The following TBXAS1 variants were observed in gnomAD, a reference collection of about 807,000 sequenced individuals.
The protein encoded by TBXAS1 is thromboxane-A synthase.
In TBXAS1, 48 loss-of-function variants were observed where a neutral mutation model predicts 60.7. The observed-to-expected ratio is 0.79, with a 90% CI of 0.63 to 1.01. TBXAS1 has a LOEUF of 1.01. Ranked by LOEUF, TBXAS1 falls within the 50% of genes least tolerant of loss-of-function variation. The pLI is 0.00. For missense variants in TBXAS1, 685 were observed against 686.3 expected, an observed-to-expected ratio of 1.00 and a Z score of 0.02; for synonymous variants, 287 against 269.7, an observed-to-expected ratio of 1.06 and a Z score of -0.63.
chr7:139,779,531 A>C (rs1434521498), intron 1 of TBXAS1, among the ~76,000 whole-genome samples: 1 of 152,206 alleles, frequency 6.6e-6, no homozygotes, highest in Non-Finnish European at 1.5e-5. Flanking sequence ...TCTGTTGCCC[A>C]ATGTCACACA....
intron 4 of TBXAS1, among the ~76,000 whole-genome samples, chr7:139,799,644 AC>A (rs1457078046): frequency 6.6e-6 from 1 of 152,210 alleles, no homozygotes; most frequent in East Asian, 1.9e-4. Context: ...GGCATGAGCC[AC>A]CACGCCCAGC....
intron 1 of TBXAS1, among the ~76,000 whole-genome samples, chr7:139,838,932 A>T (rs1799246451): frequency 6.6e-6 from 1 of 152,140 alleles, no homozygotes; most frequent in African/African-American, 2.4e-5. Context: ...TTAAAAACTA[A>T]TTTTTTCCCA....
chr7:139,810,541 G>C (rs1457665468), intron 4 of TBXAS1, among the ~76,000 whole-genome samples: 4 of 152,188 alleles, frequency 2.6e-5, no homozygotes, highest in Non-Finnish European at 5.9e-5. Flanking sequence ...TAAACAGGAT[G>C]CTTGTCATTT....
chr7:139,815,553 G>T (rs1172594665), intron 4 of TBXAS1, among the ~76,000 whole-genome samples: 1 of 152,226 alleles, frequency 6.6e-6, no homozygotes, highest in African/African-American at 2.4e-5. Context: ...ATGTAATTAT[G>T]TGAGGTTTCA....
chr7:139,990,325 T>C (rs923011928), intron 9 of TBXAS1, among the ~76,000 whole-genome samples: 1 of 152,212 alleles, frequency 6.6e-6, no homozygotes, highest in Admixed American at 6.5e-5. Context: ...GCAGCATTCC[T>C]CCTTCCTAAG....
At chr7:139,809,651 T>C (rs1797979354) in intron 4 of TBXAS1, among the ~76,000 whole-genome samples, 1 of 152,168 alleles carries the variant, frequency 6.6e-6, no homozygotes, top group Admixed American at 6.5e-5. Context: ...GGTCTGCTGG[T>C]ACAAGTTCCA....
At chr7:139,979,926 T>A (rs1276780291) in intron 9 of TBXAS1, among the ~76,000 whole-genome samples, 14 of 151,946 alleles carry the variant, frequency 9.2e-5, no homozygotes, top group Admixed American at 2.6e-4. Context: ...AACATTGGGT[T>A]TTGCTTTTTT....
At chr7:139,923,630 A>G (rs1472612067) in intron 4 of TBXAS1, among the ~76,000 whole-genome samples, 1 of 151,918 alleles carries the variant, frequency 6.6e-6, no homozygotes, top group African/African-American at 2.4e-5. Flanking sequence ...AAACAATCCA[A>G]TTATAATCAT....
At chr7:139,962,298 G>A (rs1291015253) in intron 9 of TBXAS1, 65 bp downstream of exon 9, 14 of 1,582,218 alleles carry the variant, frequency 8.8e-6, no homozygotes, top group Non-Finnish European at 1.2e-5. Context: ...TGTGTTTGTG[G>A]GAGTGAAACT....
chr7:139,817,006 A>G (rs1798165210), intron 4 of TBXAS1, among the ~76,000 whole-genome samples: 1 of 152,198 alleles, frequency 6.6e-6, no homozygotes, highest in Admixed American at 6.5e-5. Flanking sequence ...GTCAGGGTTT[A>G]GTTCAATGAT....
chr7:139,923,187 C>T (rs920507571), intron 4 of TBXAS1, among the ~76,000 whole-genome samples: 11 of 149,858 alleles, frequency 7.3e-5, no homozygotes, highest in Admixed American at 5.9e-4. Flanking sequence ...ATTAGCCAGG[C>T]ATGGTGGCGC....
intron 9 of TBXAS1, among the ~76,000 whole-genome samples, chr7:139,978,051 A>G (rs1285769585): frequency 6.6e-6 from 1 of 152,112 alleles, no homozygotes; most frequent in Admixed American, 6.5e-5. Context: ...TCCACCTCCC[A>G]GTGCTCAGTC....
chr7:139,905,001 T>TTCTC (rs201883190), intron 3 of TBXAS1, among the ~76,000 whole-genome samples: 5 of 97,954 alleles, frequency 5.1e-5, no homozygotes, highest in Non-Finnish European at 1.0e-4. Context: ...CTTTCTCTCT[T>TTCTC]TCTCTCTTTC....
chr7:139,867,033 C>T (rs1214599748), intron 1 of TBXAS1, among the ~76,000 whole-genome samples: 6 of 152,152 alleles, frequency 3.9e-5, no homozygotes, highest in African/African-American at 1.4e-4. Flanking sequence ...ATAAAGCTTC[C>T]GATGTGGCCA....
intron 11 of TBXAS1, among the ~76,000 whole-genome samples, chr7:140,017,048 T>G (rs1277395826): frequency 2.6e-5 from 4 of 152,180 alleles, no homozygotes; most frequent in African/African-American, 9.7e-5. Context: ...AATGCACTAC[T>G]TGGTAGGAGA....
At chr7:140,014,600 A>G (rs1366318334) in intron 10 of TBXAS1, among the ~76,000 whole-genome samples, 2 of 152,172 alleles carry the variant, frequency 1.3e-5, no homozygotes. Context: ...AGACACACAC[A>G]CAGAGAATGG....
chr7:139,833,100 G>A (rs1007671573), intron 1 of TBXAS1, among the ~76,000 whole-genome samples: 1 of 151,848 alleles, frequency 6.6e-6, no homozygotes, highest in Non-Finnish European at 1.5e-5. Flanking sequence ...CCAAAGTACA[G>A]AGGCAACAAA....
intron 4 of TBXAS1, among the ~76,000 whole-genome samples, chr7:139,799,981 C>T (rs1278759733): frequency 1.3e-5 from 2 of 152,176 alleles, no homozygotes; most frequent in Non-Finnish European, 2.9e-5. Flanking sequence ...GGTTCCAAGC[C>T]AGAAATGTGT....
At position 139,778,955 on chromosome 7, in the gene TBXAS1, A is replaced by G. The variant is rs929093282; in HGVS notation, c.-318+484A>G. On this transcript the variant is annotated intron_variant, in intron 1 of 16. Transcript: ENST00000336425. This position sits in a 1 kb window ranked among gnomAD's most constrained non-coding sequence, Gnocchi z 4.8. ...TCGTGACACAGTAATAGATCATAAAATAAATGCAGCGGAAGGCAACCAGCT... is the reference window on the plus strand; with the variant it reads ...TCGTGACACAGTAATAGATCATAAAGTAAATGCAGCGGAAGGCAACCAGCT... Among the ~76,000 whole-genome samples the G allele has an allele frequency of 6.6e-6, 1 of 152,212 alleles. No homozygotes were observed. The highest frequency in any genetic ancestry group is 2.4e-5 in the African/African-American group (1 of 41,444).
Sources: allele counts gnomAD v4.1 joint callset (sites outside exome capture counted in the v4.1 genomes callset), GRCh38; gene constraint gnomAD v4.1.1; non-coding constraint Gnocchi (gnomAD v3.1); transcripts MANE v1.5; gene names NCBI Gene and HGNC (gene_info 2026-07-23, HGNC 2026-07-21).